The following STRIP2 variants were observed in gnomAD, a reference collection of about 807,000 sequenced individuals.
STRIP2 encodes the protein striatin-interacting protein 2.
In STRIP2, 84 loss-of-function variants were observed where a neutral mutation model predicts 107.1. The observed-to-expected ratio is 0.78, with a 90% confidence interval of 0.66 to 0.94. The LOEUF (loss-of-function observed/expected upper bound fraction) is 0.94. Ranked by LOEUF, STRIP2 falls within the 40% of genes least tolerant of loss-of-function variation. The pLI, the probability that STRIP2 is intolerant of heterozygous loss-of-function variation, is 0.00. For synonymous variants in STRIP2, 394 were observed against 400.4 expected (o/e 0.98, Z 0.19); for missense variants, 888 against 1,034.2 (o/e 0.86, Z 1.94).
At position 129,458,027 on chromosome 7, in the gene STRIP2, ACTT is replaced by A; in HGVS notation, c.1039-184_1039-182del. The A allele has an allele frequency of 1.6e-6, 1 of 640,242 alleles. No homozygotes were observed. 39.7% of individuals were successfully genotyped at this position (640,242 alleles called of 1,614,324 possible). ...TGGCTAATGGCAGGGTTACCTGAGA[ACTT>A]CTTGTCCTGTTATTGGGCCGGGTGG... is the stretch of plus-strand genomic sequence containing the variant. On this transcript the variant is annotated intron_variant, in intron 9 of 20. Transcript: ENST00000249344. The surrounding 1 kb of genome is among the most constrained non-coding windows in gnomAD (Gnocchi z 4.6).
chr7:129,475,997 C>T (rs1320353226), intron 18 of STRIP2, among the ~76,000 whole-genome samples: 5 of 152,148 alleles, frequency 3.3e-5, no homozygotes, highest in African/African-American at 1.2e-4. Context: ...CTGATTTCCC[C>T]ATCTTTTCCC....
intron 18 of STRIP2, among the ~76,000 whole-genome samples, chr7:129,477,061 G>A (rs1157369048): frequency 6.6e-6 from 1 of 151,560 alleles, no homozygotes; most frequent in Non-Finnish European, 1.5e-5. Flanking sequence ...TGCAATCGCA[G>A]GCACTCGGCA....
At position 129,456,366 on chromosome 7, in the gene STRIP2, G is replaced by A. The variant is rs569330081; in HGVS notation, c.835-73G>A. ...GTTGTGGCCCTTTCTTTTCATCCAT[G>A]TTTCCCTGACCTTGGCTCTCTCTTA... On this transcript the variant is annotated intron_variant, in intron 8 of 20. Transcript: ENST00000249344. 45 of 1,391,800 alleles carry A rather than the reference G, an allele frequency of 3.2e-5. 2 individuals carry two copies. The South Asian group carries it at 5.3e-4, about 16-fold the overall frequency. 86.2% of individuals were successfully genotyped at this position (1,391,800 alleles called of 1,614,324 possible). A position where few individuals can be genotyped will look rare whatever the true frequency, so the allele number is the denominator to read the frequency against.
rs1375846100 is a variant in STRIP2 at position 129,434,565 on chromosome 7, C to G, written c.93C>G (p.Gly31=). 2 of 1,516,342 alleles carry G rather than the reference C, an allele frequency of 1.3e-6. No homozygotes were observed. Among genetic ancestry groups the G allele is most frequent in the Admixed American group, 4.0e-5 (2 of 49,884 alleles). The allele number at this position is 1,516,342 out of a possible 1,614,324, so 93.9% of individuals were successfully genotyped here. The change falls in exon 1 of 21, where the codon GGC becomes GGG. Residue 31 remains glycine, a synonymous_variant. Coordinates refer to ENST00000249344, the MANE Select transcript of STRIP2 (RefSeq NM_020704.3). ...GGKGKQAAPK[G]REAFRSQRRE... ...AAGGGAAGCAGGCGGCGCCCAAGGG[C>G]CGCGAAGCGTTCCGAAGCCAGCGGC...
intron 18 of STRIP2, among the ~76,000 whole-genome samples, chr7:129,472,776 C>CTTTTTTTT (rs1798822125): frequency 5.1e-5 from 4 of 78,264 alleles, no homozygotes; most frequent in African/African-American, 1.5e-4. Flanking sequence ...TTTTCTTTTC[C>CTTTTTTTT]TTTTTTTTTT....
chr7:129,438,850 A>C (rs370089231), intron 1 of STRIP2, among the ~76,000 whole-genome samples: 2 of 152,214 alleles, frequency 1.3e-5, no homozygotes, highest in East Asian at 1.9e-4. Context: ...ATTATAAAGG[A>C]TATGACTCAG....
intron 2 of STRIP2, among the ~76,000 whole-genome samples, chr7:129,442,728 T>C (rs1797933379): frequency 6.6e-6 from 1 of 152,192 alleles, no homozygotes; most frequent in African/African-American, 2.4e-5. Flanking sequence ...TGGGATTTGC[T>C]TCTGGTCACT....
At chr7:129,440,630 A>G (rs1797871719) in intron 2 of STRIP2, among the ~76,000 whole-genome samples, 1 of 152,078 alleles carries the variant, frequency 6.6e-6, no homozygotes, top group Admixed American at 6.6e-5. Context: ...ACCTGCATCC[A>G]TCATAGTAGA....
intron 8 of STRIP2, 98 bp downstream of exon 8, chr7:129,455,469 C>T: frequency 6.9e-7 from 1 of 1,458,010 alleles, no homozygotes; most frequent in Admixed American, 2.3e-5. Flanking sequence ...ATCCAGGGAG[C>T]AGAACAGGCA....
chr7:129,471,576 T>C (rs1023832069), intron 18 of STRIP2, among the ~76,000 whole-genome samples: 6 of 152,192 alleles, frequency 3.9e-5, no homozygotes, highest in African/African-American at 1.4e-4. Flanking sequence ...TCCTGCAAAA[T>C]GTTGAGTCAG....
At chr7:129,448,900 T>G (rs949577971) in intron 3 of STRIP2, among the ~76,000 whole-genome samples, 1 of 152,216 alleles carries the variant, frequency 6.6e-6, no homozygotes, top group Non-Finnish European at 1.5e-5. Flanking sequence ...AAATCTATTT[T>G]ATAATGCATT....
intron 18 of STRIP2, among the ~76,000 whole-genome samples, chr7:129,475,965 T>C (rs1270814856): frequency 2.0e-5 from 3 of 152,138 alleles, no homozygotes; most frequent in African/African-American, 7.2e-5. Context: ...CCCGCCTCTT[T>C]CTACACAGAC....
At chr7:129,450,101 A>G (rs1225748218) in intron 3 of STRIP2, among the ~76,000 whole-genome samples, 1 of 152,162 alleles carries the variant, frequency 6.6e-6, no homozygotes, top group Non-Finnish European at 1.5e-5. Flanking sequence ...TGTTCTCTAT[A>G]CTATTAGAAG....
rs758607869 is a variant in STRIP2, at chr7:129,458,300, A to T, written c.1124A>T (p.Glu375Val). Residue 375 changes from glutamate to valine, a missense_variant, in exon 10 of 21, where the codon GAG becomes GTG. Glu to Val is a moderately radical substitution (Grantham distance 121). Coordinates refer to ENST00000249344, the MANE Select transcript of STRIP2 (RefSeq NM_020704.3). The surrounding 1 kb of genome is among the most constrained non-coding windows in gnomAD (Gnocchi z 4.6). ...KTEEPATEEE[E>V]ESAGDGERTL... ...GAGGAGCCCGCCACAGAGGAGGAAG[A>T]GGAGTCTGCTGGTGATGGAGAACGA... 3 of 1,614,202 alleles carry T rather than the reference A, an allele frequency of 1.9e-6. No individual in the cohort carries two copies. The highest frequency in any genetic ancestry group is 1.3e-5 in the African/African-American group (1 of 75,054).
Position 129,458,091 on chromosome 7 carries a change from G to T in STRIP2, c.1039-124G>T, listed in dbSNP as rs567059682. On this transcript the variant is annotated intron_variant, in intron 9 of 20. Coordinates refer to ENST00000249344, the MANE Select transcript of STRIP2 (RefSeq NM_020704.3). The surrounding 1 kb of genome is among the most constrained non-coding windows in gnomAD (Gnocchi z 4.6). ...TTAAGGTGGGGAATTGGATGTTTTC[G>T]CAAGGGCTGTGTTCAGATTCCATGT... The T allele has an allele frequency of 2.5e-6, 2 of 787,484 alleles. No homozygotes were observed. Among genetic ancestry groups the T allele is most frequent in the African/African-American group, 1.7e-5 (1 of 58,716 alleles). The allele number at this position is 787,484 out of a possible 1,614,324, so 48.8% of individuals were successfully genotyped here. A position where few individuals can be genotyped will look rare whatever the true frequency, so the allele number is the denominator to read the frequency against.
chr7:129,454,664 A>G, intron 7 of STRIP2, 137 bp downstream of exon 7: 1 of 649,054 alleles, frequency 1.5e-6, no homozygotes, highest in South Asian at 1.9e-5. Flanking sequence ...CTTTTAGGAC[A>G]CAGATACTGC....
intron 18 of STRIP2, chr7:129,478,055 G>A (rs1799018516): frequency 5.6e-6 from 2 of 357,488 alleles, no homozygotes; most frequent in Non-Finnish European, 1.1e-5. Context: ...TGGAATGGTG[G>A]TGATACGAAG....
Position 129,487,518 on chromosome 7 carries a change from A to AC in STRIP2, c.*1690dup, listed in dbSNP as rs1309052690. On this transcript the variant is annotated 3_prime_UTR_variant, in exon 21 of 21. Transcript: ENST00000249344. ...TCCAAAGGAGCTATACCAAAATCTAACAAGTAAATTTTGGATTTTGCCTCT... is the reference window on the plus strand; with the variant it reads ...TCCAAAGGAGCTATACCAAAATCTAACCAAGTAAATTTTGGATTTTGCCTCT... 6.6e-6 allele frequency: 1 copy of AC among 152,202 alleles called. No individual in the cohort carries two copies. Among genetic ancestry groups the AC allele is most frequent in the East Asian group, 1.9e-4 (1 of 5,202 alleles). The allele number at this position is 152,202 out of a possible 1,614,324, so 9.4% of individuals were successfully genotyped here. A position where few individuals can be genotyped will look rare whatever the true frequency, so the allele number is the denominator to read the frequency against.
chr7:129,448,980 C>A (rs1798110343), intron 3 of STRIP2, among the ~76,000 whole-genome samples: 1 of 152,182 alleles, frequency 6.6e-6, no homozygotes, highest in African/African-American at 2.4e-5. Flanking sequence ...TCCACTCCAC[C>A]ATCCCAATCT....
Sources: gnomAD v4.1 joint callset for allele counts (sites outside exome capture counted in the v4.1 genomes callset) on GRCh38, gnomAD v4.1.1 for gene constraint, Gnocchi (gnomAD v3.1) non-coding constraint, MANE v1.5 for transcripts, NCBI Gene and HGNC (gene_info 2026-07-23, HGNC 2026-07-21) for gene names.